Variants in C18orf63 observed in about 807,000 individuals in gnomAD.
The protein encoded by C18orf63 is uncharacterized protein C18orf63.
A neutral mutation model predicts 75.3 loss-of-function variants in C18orf63; 50 were observed. The observed-to-expected ratio is 0.66, with a 90% confidence interval of 0.53 to 0.84. C18orf63 has a LOEUF of 0.84. Among genes scored for constraint, C18orf63 ranks in the 40% least tolerant of loss-of-function variants. C18orf63 has a pLI of 0.00. For synonymous variants in C18orf63, 232 were observed against 267.6 expected, an observed-to-expected ratio of 0.87 and a Z score of 1.30; for missense variants, 732 against 800.2, an observed-to-expected ratio of 0.91 and a Z score of 1.03.
At chr18:74,321,680 A>G (rs1015728575) in intron 3 of C18orf63, among the ~76,000 whole-genome samples, 5 of 152,118 alleles carry the variant, frequency 3.3e-5, no homozygotes, top group African/African-American at 9.7e-5. Context: ...TCTTATTTGT[A>G]TCTTTTTCTA....
At chr18:74,326,852 T>TA (rs529394602) in intron 4 of C18orf63, among the ~76,000 whole-genome samples, 33 of 152,346 alleles carry the variant, frequency 2.2e-4, no homozygotes, top group African/African-American at 7.2e-4. Context: ...ATTAATTTTG[T>TA]ATTATACAAA....
chr18:74,330,927 A>C lies in C18orf63; in HGVS notation c.486A>C (p.Arg162Ser). ...TAAGTATAGAAGCTTGCACAATCAG[A>C]CTGCCAGCACCTGAGGTACCATATA... The part of the protein sequence containing the change: ...VCLSIEACTI[R>S]LPAPELKEFE... Residue 162 changes from arginine (R) to serine (S), a missense_variant, in exon 7 of 14, where the codon AGA (arginine) becomes AGC (serine). By Grantham distance (110) the Arg-to-Ser change is moderately radical. This residue lies in a region of C18orf63 where 233 missense variants were observed against 272.7 expected (regional missense o/e 0.85). Transcript: ENST00000579455. The C allele has an allele frequency of 6.9e-7, 1 of 1,459,492 alleles. No individual in the cohort carries two copies. Among genetic ancestry groups the C allele is most frequent in the Non-Finnish European group, 9.1e-7 (1 of 1,095,336 alleles). 90.4% of individuals were successfully genotyped at this position (1,459,492 alleles called of 1,614,324 possible).
chr18:74,318,143 T>C, intron 2 of C18orf63, 144 bp downstream of exon 2: 3 of 500,310 alleles, frequency 6.0e-6, no homozygotes, highest in Non-Finnish European at 6.6e-6. Flanking sequence ...GATTTTGTTT[T>C]GACCAGGTAT....
chr18:74,346,744 A>G (rs1599008648), intron 11 of C18orf63, among the ~76,000 whole-genome samples: 3 of 152,344 alleles, frequency 2.0e-5, no homozygotes, highest in Admixed American at 2.0e-4. Context: ...TTTGCTTCAT[A>G]AGTGTAAAAT....
At chr18:74,337,744 A>G (rs1445970721) in intron 7 of C18orf63, among the ~76,000 whole-genome samples, 3 of 152,014 alleles carry the variant, frequency 2.0e-5, no homozygotes, top group African/African-American at 7.2e-5. Context: ...AGCATATCTT[A>G]TCTTCCTCTT....
At chr18:74,347,069 C>A (rs1984586184) in intron 11 of C18orf63, among the ~76,000 whole-genome samples, 1 of 152,196 alleles carries the variant, frequency 6.6e-6, no homozygotes, top group South Asian at 2.1e-4. Context: ...TAGAAACAGG[C>A]TGCCTGAATT....
rs908448684 is a variant in C18orf63 at position 74,327,800 on chromosome 18, G to A, written c.271-147G>A. The A allele has an allele frequency of 2.8e-5, 17 of 596,536 alleles. No individual in the cohort carries two copies. The South Asian group carries it at 3.5e-4, about 12-fold the overall frequency. 37.0% of individuals were successfully genotyped at this position (596,536 alleles called of 1,614,324 possible). On this transcript the variant is annotated intron_variant, in intron 4 of 13. Transcript: ENST00000579455. ...CTTCTTTAACTTTAGAACCAGATGG[G>A]ATTAGCTCTAGCAATGGCTATAAGT... is the stretch of plus-strand genomic sequence containing the variant.
In C18orf63 at chr18:74,354,563, C is replaced by G; in HGVS notation, c.*33+17C>G. On this transcript the variant is annotated intron_variant, in intron 13 of 13. Coordinates refer to ENST00000579455, the MANE Select transcript of C18orf63 (RefSeq NM_001174123.2). ...GTCTACCAGGTAACTGAAGTGATAGCTTTTGATTTGTTTTTACATTATCTG... is the reference window on the plus strand; with the variant it reads ...GTCTACCAGGTAACTGAAGTGATAGGTTTTGATTTGTTTTTACATTATCTG... The G allele has an allele frequency of 8.4e-7, 1 of 1,193,182 alleles. No individual in the cohort carries two copies. Among genetic ancestry groups the G allele is most frequent in the Non-Finnish European group, 1.2e-6 (1 of 858,916 alleles). 73.9% of individuals were successfully genotyped at this position (1,193,182 alleles called of 1,614,324 possible).
intron 11 of C18orf63, among the ~76,000 whole-genome samples, chr18:74,346,830 T>C (rs1253801008): frequency 2.0e-5 from 3 of 152,250 alleles, no homozygotes; most frequent in African/African-American, 7.2e-5. Context: ...TATTGAGTGC[T>C]TTCTGCATGC....
intron 7 of C18orf63, among the ~76,000 whole-genome samples, chr18:74,337,364 C>T (rs1329709283): frequency 6.6e-6 from 1 of 152,052 alleles, no homozygotes; most frequent in Non-Finnish European, 1.5e-5. Flanking sequence ...AGTACTGGTA[C>T]TTACTGAGGT....
chr18:74,322,745 TG>T lies in C18orf63; in HGVS notation c.263del (p.Gly88GlufsTer10). 7.5e-7 allele frequency: 1 copy of T among 1,332,208 alleles called. No individual in the cohort carries two copies. The highest frequency in any genetic ancestry group is 1.4e-5 in the South Asian group (1 of 71,892). 82.5% of individuals were successfully genotyped at this position (1,332,208 alleles called of 1,614,324 possible). On this transcript the variant is annotated frameshift_variant, in exon 4 of 14. Coordinates refer to ENST00000579455, the MANE Select transcript of C18orf63 (RefSeq NM_001174123.2). LOFTEE classifies it high-confidence loss of function. ...RKLNAYVEKY[G>X]AKMEAPQRVI... ...AACTTAATGCCTATGTTGAAAAATA[TG>T]GAGCTAAGGTAAGTGTTAAAAAATG... is the stretch of plus-strand genomic sequence containing the variant.
At chr18:74,335,383 CCTTAT>C (rs1984374805) in intron 7 of C18orf63, among the ~76,000 whole-genome samples, 1 of 151,860 alleles carries the variant, frequency 6.6e-6, no homozygotes, top group Admixed American at 6.6e-5. Context: ...GGATTTCAGC[CCTTAT>C]CTTTACAATT....
At chr18:74,355,294 G>A (rs1360111286) in intron 13 of C18orf63, among the ~76,000 whole-genome samples, 3 of 150,166 alleles carry the variant, frequency 2.0e-5, no homozygotes, top group Non-Finnish European at 4.4e-5. Flanking sequence ...ACGTTATGAT[G>A]TTGTATTTTA....
intron 6 of C18orf63, among the ~76,000 whole-genome samples, chr18:74,329,949 T>C (rs1420749149): frequency 6.6e-6 from 1 of 152,204 alleles, no homozygotes; most frequent in Non-Finnish European, 1.5e-5. Context: ...AATCCTGACC[T>C]GTAATCTACA....
chr18:74,354,917 C>T (rs1185710159), intron 13 of C18orf63, among the ~76,000 whole-genome samples: 3 of 152,178 alleles, frequency 2.0e-5, no homozygotes, highest in Non-Finnish European at 4.4e-5. Context: ...GATAATAAAC[C>T]TTAAATGATG....
At chr18:74,319,239 C>G (rs113154757) in intron 2 of C18orf63, among the ~76,000 whole-genome samples, 1 of 152,092 alleles carries the variant, frequency 6.6e-6, no homozygotes, top group Non-Finnish European at 1.5e-5. Flanking sequence ...GTTATCTTCA[C>G]TCACCCTCCC....
rs1984718429 is a variant in C18orf63, at chr18:74,353,983, A to G, written c.1716A>G (p.Leu572=). ...TCCAAATGAAAGGAAAAGAAAATTTAACAGGCAAAGGTATAACACAAATTT... is the reference window on the plus strand; with the variant it reads ...TCCAAATGAAAGGAAAAGAAAATTTGACAGGCAAAGGTATAACACAAATTT... ...VDFQMKGKEN[L]TGKGITQILG... The change falls in exon 12 of 14, where the codon TTA becomes TTG. Residue 572 remains leucine (L), a synonymous_variant. Coordinates refer to ENST00000579455, the MANE Select transcript of C18orf63 (RefSeq NM_001174123.2). The G allele has an allele frequency of 6.5e-7, 1 of 1,536,328 alleles. No homozygotes were observed. Among genetic ancestry groups the G allele is most frequent in the African/African-American group, 1.4e-5 (1 of 73,054 alleles).
intron 4 of C18orf63, 82 bp downstream of exon 4, chr18:74,322,836 C>G (rs1007405351): frequency 2.2e-6 from 1 of 448,168 alleles, no homozygotes. Context: ...CAAACAAAAA[C>G]TGGAGTATCT....
At chr18:74,319,476 T>C (rs908054392) in intron 2 of C18orf63, among the ~76,000 whole-genome samples, 2 of 152,242 alleles carry the variant, frequency 1.3e-5, no homozygotes, top group African/African-American at 4.8e-5. Context: ...TTGAAGGTTT[T>C]CAGATTTCCA....
Sources: gnomAD v4.1 joint callset for allele counts (sites outside exome capture counted in the v4.1 genomes callset) on GRCh38, gnomAD v4.1.1 for gene constraint, gnomAD v4.1.1 regional missense constraint, MANE v1.5 for transcripts, NCBI Gene and HGNC (gene_info 2026-07-23, HGNC 2026-07-21) for gene names.